Variants in MTRF1 observed in about 807,000 individuals in gnomAD.
MTRF1 encodes peptide chain release factor 1, mitochondrial.
In MTRF1, 51 loss-of-function variants were observed where a neutral mutation model predicts 62.9. That is an observed-to-expected ratio of 0.81 (90% CI 0.65 to 1.02). The LOEUF (loss-of-function observed/expected upper bound fraction) is 1.02. MTRF1 is among the 50% of genes least tolerant of loss of function. MTRF1 has a pLI of 0.00. For missense variants in MTRF1, 446 were observed against 530.0 expected, an observed-to-expected ratio of 0.84 and a Z score of 1.56; for synonymous variants, 158 against 181.9, an observed-to-expected ratio of 0.87 and a Z score of 1.06.
the MTRF1 span, among the ~76,000 whole-genome samples, chr13:41,307,013 T>A: frequency 6.6e-6 from 1 of 152,192 alleles, no homozygotes; most frequent in South Asian, 2.1e-4. Flanking sequence ...AGTAATAAGA[T>A]TATAGTTACT....
chr13:41,300,191 T>C, the MTRF1 span, among the ~76,000 whole-genome samples: 1 of 152,218 alleles, frequency 6.6e-6, no homozygotes, highest in Non-Finnish European at 1.5e-5. Flanking sequence ...AGAGTTTATT[T>C]GAGCTCAAAG....
intron 6 of MTRF1, among the ~76,000 whole-genome samples, chr13:41,239,945 G>A (rs546501437): frequency 1.0e-3 from 159 of 152,174 alleles, no homozygotes; most frequent in African/African-American, 3.7e-3. Context: ...CGGACTGCCC[G>A]AGGTCAGGAG....
rs140064461 is a variant in MTRF1 at position 41,228,259 on chromosome 13, G to C, written c.989-1691C>G. Reference sequence around the variant, plus strand: ...TTAAGAATAGAAGATGTAGAGGGAGGGAAGGTGTACTGAATAATAGAAGGG... The same window carrying C: ...TTAAGAATAGAAGATGTAGAGGGAGCGAAGGTGTACTGAATAATAGAAGGG... On this transcript the variant is annotated intron_variant, in intron 7 of 9. Coordinates refer to ENST00000379480, the MANE Select transcript of MTRF1 (RefSeq NM_004294.4). Among the ~76,000 whole-genome samples the C allele has an allele frequency of 5.1e-4, 78 of 152,172 alleles. 1 individual carries two copies. In the East Asian group the frequency reaches 0.011, roughly 22 times the overall value.
chr13:41,284,600 A>C, the MTRF1 span, among the ~76,000 whole-genome samples: 1 of 151,814 alleles, frequency 6.6e-6, no homozygotes, highest in East Asian at 1.9e-4. Flanking sequence ...TACATTTGGC[A>C]GTTTACTTTA....
chr13:41,284,039 A>G, the MTRF1 span, among the ~76,000 whole-genome samples: 1 of 135,590 alleles, frequency 7.4e-6, no homozygotes, highest in Non-Finnish European at 1.7e-5. Context: ...ACCACATTAC[A>G]TTGTGTTCAA....
the MTRF1 span, among the ~76,000 whole-genome samples, chr13:41,292,951 A>C: frequency 2.0e-5 from 3 of 152,086 alleles, no homozygotes; most frequent in Non-Finnish European, 4.4e-5. Flanking sequence ...AACTAAAATC[A>C]AACTGCCACA....
upstream of MTRF1, among the ~76,000 whole-genome samples, chr13:41,264,625 C>G (rs909991986): frequency 6.6e-6 from 1 of 152,138 alleles, no homozygotes; most frequent in Non-Finnish European, 1.5e-5. Context: ...CTTCAAGGTA[C>G]CTACTTCTAT....
the MTRF1 span, among the ~76,000 whole-genome samples, chr13:41,301,256 C>T: frequency 6.6e-6 from 1 of 152,026 alleles, no homozygotes; most frequent in Non-Finnish European, 1.5e-5. Context: ...TTCCCTTCAC[C>T]CTTTGAAGGT....
In MTRF1 at chr13:41,252,691, A is replaced by G. The variant is rs769048134; in HGVS notation, c.651T>C (p.Tyr217=). ...IFDMYQNYSC[Y]KHWQFELLNY... ...TCAGAAGTTCAAATTGCCAGTGTTT[A>G]TAGCACGAATAATTCTGGTACATGT... Residue 217 remains tyrosine, a synonymous_variant, in exon 5 of 10, where the codon TAT becomes TAC. Transcript: ENST00000379480. 6.2e-7 allele frequency: 1 copy of G among 1,613,698 alleles called. No individual in the cohort carries two copies. The highest frequency in any genetic ancestry group is 1.3e-5 in the African/African-American group (1 of 74,922).
At chr13:41,273,698 G>T in the MTRF1 span, among the ~76,000 whole-genome samples, 4 of 152,074 alleles carry the variant, frequency 2.6e-5, no homozygotes, top group Non-Finnish European at 5.9e-5. Flanking sequence ...TTAGCTGAGC[G>T]TGGTGGTGCA....
At position 41,234,229 on chromosome 13, in the gene MTRF1, G is replaced by A. The variant is rs150460879; in HGVS notation, c.871-222C>T. The stretch of plus-strand genomic sequence containing the variant: ...GTCTCCCTCTGTTGCCTAGGCTGGA[G>A]TATAGTGGCACAATCATAGCTCACT... On this transcript the variant is annotated intron_variant, in intron 6 of 9. Coordinates refer to ENST00000379480, the MANE Select transcript of MTRF1 (RefSeq NM_004294.4). Among the ~76,000 whole-genome samples, 704 of 152,328 alleles carry A rather than the reference G, an allele frequency of 4.6e-3. 1 individual carries two copies. Among genetic ancestry groups the A allele is most frequent in the Middle Eastern group, 0.01 (3 of 294 alleles).
At chr13:41,307,585 C>T in the MTRF1 span, among the ~76,000 whole-genome samples, 8 of 151,820 alleles carry the variant, frequency 5.3e-5, no homozygotes, top group Admixed American at 5.2e-4. Flanking sequence ...CCAGTGCACT[C>T]CAGCCTGGGT....
At chr13:41,257,236 C>A (rs2039849642) in intron 2 of MTRF1, among the ~76,000 whole-genome samples, 1 of 152,098 alleles carries the variant, frequency 6.6e-6, no homozygotes, top group Non-Finnish European at 1.5e-5. Context: ...CTTTTAAATA[C>A]CAAACCAAGA....
intron 5 of MTRF1, among the ~76,000 whole-genome samples, chr13:41,242,478 G>C (rs952389814): frequency 6.6e-5 from 10 of 152,082 alleles, no homozygotes; most frequent in African/African-American, 2.2e-4. Flanking sequence ...TCACAATTTG[G>C]GGGCTAGGGT....
chr13:41,297,958 A>G, the MTRF1 span, among the ~76,000 whole-genome samples: 1 of 152,222 alleles, frequency 6.6e-6, no homozygotes, highest in African/African-American at 2.4e-5. Context: ...AAATTAATAG[A>G]ATCGGATTTC....
chr13:41,239,953 G>C (rs1180439945), intron 6 of MTRF1, among the ~76,000 whole-genome samples: 1 of 152,104 alleles, frequency 6.6e-6, no homozygotes, highest in African/African-American at 2.4e-5. Flanking sequence ...CCGAGGTCAG[G>C]AGTTCGAGAC....
the MTRF1 span, among the ~76,000 whole-genome samples, chr13:41,307,461 TA>T: frequency 1.3e-5 from 2 of 151,972 alleles, no homozygotes; most frequent in African/African-American, 2.4e-5. Context: ...CCATCTCTAC[TA>T]AAAATACAAA....
intron 7 of MTRF1, among the ~76,000 whole-genome samples, chr13:41,229,887 G>A (rs940029167): frequency 6.6e-6 from 1 of 152,154 alleles, no homozygotes; most frequent in African/African-American, 2.4e-5. Flanking sequence ...GATCACTCTA[G>A]GTCAGGAGTT....
the MTRF1 span, among the ~76,000 whole-genome samples, chr13:41,270,875 T>C: frequency 2.1e-4 from 32 of 152,044 alleles, no homozygotes; most frequent in African/African-American, 7.2e-4. Context: ...GTAGCTGGGA[T>C]TACAGGCATG....
Sources: allele counts gnomAD v4.1 joint callset (sites outside exome capture counted in the v4.1 genomes callset), GRCh38; gene constraint gnomAD v4.1.1; transcripts MANE v1.5; gene names NCBI Gene and HGNC (gene_info 2026-07-23, HGNC 2026-07-21).